The following NOX4 variants were observed in gnomAD, a reference collection of about 807,000 sequenced individuals.
NOX4 encodes NADPH oxidase 4.
NOX4 carries 69 observed loss-of-function variants against 87.6 expected under a neutral mutation model. That is an observed-to-expected ratio of 0.79 (90% confidence interval 0.65 to 0.96). NOX4 has a LOEUF of 0.96. Among genes scored for constraint, NOX4 ranks in the 40% least tolerant of loss-of-function variants. NOX4 has a pLI of 0.00. For synonymous variants in NOX4, 275 were observed against 238.2 expected (o/e 1.15, Z -1.42); for missense variants, 680 against 681.5 (o/e 1.00, Z 0.02).
chr11:89,439,011 TTAGTA>T (rs1944338817), intron 6 of NOX4, among the ~76,000 whole-genome samples: 1 of 113,846 alleles, frequency 8.8e-6, no homozygotes, highest in East Asian at 2.4e-4. Context: ...ATTAGTAATA[TTAGTA>T]TAATCATAAT....
chr11:89,351,393 G>A (rs1336360993), intron 13 of NOX4, among the ~76,000 whole-genome samples: 4 of 152,188 alleles, frequency 2.6e-5, no homozygotes, highest in African/African-American at 7.2e-5. Flanking sequence ...TGGAGAAGCT[G>A]CAGTATATTA....
intron 17 of NOX4, among the ~76,000 whole-genome samples, chr11:89,334,873 T>C (rs1012241925): frequency 3.3e-5 from 5 of 151,562 alleles, no homozygotes; most frequent in African/African-American, 9.7e-5. Context: ...TAAAAATAAA[T>C]TGAATTTTAA....
At chr11:89,482,644 T>G (rs1946436342) in intron 2 of NOX4, among the ~76,000 whole-genome samples, 1 of 152,114 alleles carries the variant, frequency 6.6e-6, no homozygotes, top group South Asian at 2.1e-4. Context: ...CCACCCAGTC[T>G]GTGGTACTTT....
chr11:89,442,982 G>A (rs1944522647), intron 5 of NOX4, among the ~76,000 whole-genome samples: 2 of 152,104 alleles, frequency 1.3e-5, no homozygotes, highest in Admixed American at 1.3e-4. Flanking sequence ...AGTGAGATGG[G>A]CAGAAGTGGA....
At chr11:89,436,462 C>T (rs1316215408) in intron 6 of NOX4, among the ~76,000 whole-genome samples, 6 of 152,116 alleles carry the variant, frequency 3.9e-5, no homozygotes, top group Admixed American at 3.3e-4. Flanking sequence ...TTTTTTAGTC[C>T]TTCAAGTTAG....
At chr11:89,484,634 T>C (rs67550223) in intron 2 of NOX4, among the ~76,000 whole-genome samples, 16,740 of 152,094 alleles carry the variant, frequency 0.11, 1,275 homozygotes, top group Non-Finnish European at 0.17. Flanking sequence ...AATCTCATTT[T>C]TCCATTTCGG....
the NOX4 span, among the ~76,000 whole-genome samples, chr11:89,536,469 A>G: frequency 2.0e-5 from 3 of 152,228 alleles, no homozygotes; most frequent in Admixed American, 2.0e-4. Flanking sequence ...CTACCTCTGC[A>G]GTTCCATATG....
At position 89,325,174 on chromosome 11, in the gene NOX4, G is replaced by A. The variant is rs979096040; in HGVS notation, c.*1582C>T. 1 of 129,448 alleles carries A rather than the reference G, an allele frequency of 7.7e-6. No homozygotes were observed. The highest frequency in any genetic ancestry group is 3.1e-5 in the African/African-American group (1 of 32,704). 8.0% of individuals were successfully genotyped at this position (129,448 alleles called of 1,614,324 possible). On this transcript the variant is annotated 3_prime_UTR_variant, in exon 18 of 18. Coordinates refer to ENST00000263317, the MANE Select transcript of NOX4 (RefSeq NM_016931.5). ...GAATCTTGCTCTGTCACCCAGGCTG[G>A]AGTGCAGTGGTGCAATCTTGGCTCA... is the stretch of plus-strand genomic sequence containing the variant.
intron 8 of NOX4, among the ~76,000 whole-genome samples, chr11:89,405,990 G>T (rs941639655): frequency 6.6e-6 from 1 of 151,946 alleles, no homozygotes; most frequent in African/African-American, 2.4e-5. Context: ...AAATTTGATG[G>T]CTTTATATGG....
intron 2 of NOX4, among the ~76,000 whole-genome samples, chr11:89,478,135 A>T (rs1043211853): frequency 6.6e-6 from 1 of 152,064 alleles, no homozygotes; most frequent in Non-Finnish European, 1.5e-5. Flanking sequence ...ACTTTTTGAG[A>T]GTCTTACACT....
At chr11:89,371,922 C>CT (rs1318918465) in intron 12 of NOX4, among the ~76,000 whole-genome samples, 2 of 151,728 alleles carry the variant, frequency 1.3e-5, no homozygotes, top group South Asian at 2.1e-4. Context: ...GATTTCCTTC[C>CT]TTTTTTTTAA....
chr11:89,586,022 C>T, the NOX4 span, among the ~76,000 whole-genome samples: 3 of 152,066 alleles, frequency 2.0e-5, no homozygotes, highest in African/African-American at 7.2e-5. Flanking sequence ...TCTACCCTTA[C>T]TTATGACAGT....
At chr11:89,578,377 G>C in the NOX4 span, among the ~76,000 whole-genome samples, 1 of 152,046 alleles carries the variant, frequency 6.6e-6, no homozygotes, top group East Asian at 1.9e-4. Context: ...GGCCAGGATG[G>C]TCCCTATCTC....
intron 12 of NOX4, among the ~76,000 whole-genome samples, chr11:89,369,354 G>A (rs1178458413): frequency 6.6e-6 from 1 of 151,964 alleles, no homozygotes; most frequent in South Asian, 2.1e-4. Flanking sequence ...TAAGTGGCAG[G>A]AGATAGAGTC....
intron 7 of NOX4, among the ~76,000 whole-genome samples, chr11:89,428,451 T>G: frequency 6.7e-6 from 1 of 148,272 alleles, no homozygotes; most frequent in Non-Finnish European, 1.5e-5. Context: ...GACCCATCAG[T>G]GTGCTGTATT....
chr11:89,534,611 G>A, the NOX4 span, among the ~76,000 whole-genome samples: 29 of 152,166 alleles, frequency 1.9e-4, no homozygotes, highest in East Asian at 5.8e-4. Flanking sequence ...GCCTTATCCC[G>A]GGGACTGAGT....
At chr11:89,511,184 T>C in the NOX4 span, among the ~76,000 whole-genome samples, 2 of 152,036 alleles carry the variant, frequency 1.3e-5, no homozygotes, top group Non-Finnish European at 2.9e-5. Flanking sequence ...GCATACATCA[T>C]TAAAAGATTC....
chr11:89,474,528 A>G (rs552890237), intron 2 of NOX4, among the ~76,000 whole-genome samples: 77 of 151,806 alleles, frequency 5.1e-4, no homozygotes, highest in East Asian at 1.9e-3. Context: ...ATTATGGTGT[A>G]CATTATGGCA....
chr11:89,443,403 G>T (rs370836751), intron 5 of NOX4: 16 of 151,854 alleles, frequency 1.1e-4, no homozygotes, highest in South Asian at 4.2e-4. Flanking sequence ...GGAAAATAAG[G>T]GGGGGGGATG....
Sources: allele counts gnomAD v4.1 joint callset (sites outside exome capture counted in the v4.1 genomes callset), GRCh38; gene constraint gnomAD v4.1.1; transcripts MANE v1.5; gene names NCBI Gene and HGNC (gene_info 2026-07-23, HGNC 2026-07-21).